The following ZFHX3 variants were observed in gnomAD, a reference collection of about 807,000 sequenced individuals.
ZFHX3 encodes zinc finger homeobox 3.
A neutral mutation model predicts 279.1 loss-of-function variants in ZFHX3; 42 were observed. That is an observed-to-expected ratio of 0.15 (90% confidence interval 0.12 to 0.19). The LOEUF (loss-of-function observed/expected upper bound fraction) is 0.19, where lower values mean the gene tolerates loss of function less well. Among genes scored for constraint, ZFHX3 ranks in the 10% least tolerant of loss-of-function variants. The pLI is 1.00. For synonymous variants in ZFHX3, 2,293 were observed against 1,957.8 expected (o/e 1.17, Z -4.52); for missense variants, 4,981 against 4,754.0 (o/e 1.05, Z -1.40).
chr16:73,156,722 A>AT (rs34204659), intron 5 of ZFHX3, among the ~76,000 whole-genome samples: 73 of 148,218 alleles, frequency 4.9e-4, no homozygotes, highest in Non-Finnish European at 4.8e-4. Flanking sequence ...TGTCTGGCTA[A>AT]TTTTTTTTTT....
chr16:73,775,407 G>A (rs1191436304), intron 1 of ZFHX3, among the ~76,000 whole-genome samples: 2 of 152,068 alleles, frequency 1.3e-5, no homozygotes, highest in Non-Finnish European at 2.9e-5. Flanking sequence ...CCTCAGCTGA[G>A]AAAAGAAATA....
rs2144436651 is a variant in ZFHX3 at position 72,957,826 on chromosome 16, C to T, written c.2320G>A (p.Ala774Thr). 6.2e-7 allele frequency: 1 copy of T among 1,610,378 alleles called. No individual in the cohort carries two copies. Among genetic ancestry groups the T allele is most frequent in the Non-Finnish European group, 8.5e-7 (1 of 1,178,078 alleles). ...QVFSHTAGAA[A>T]AAVAAAAAAA... is the part of the protein sequence containing the mutation. ...GCCGCCGCCGCAGCCACCGCCGCCG[C>T]CGCCGCCCCGGCAGTGTGGCTGAAG... The change falls in exon 2 of 10, where the codon GCG becomes ACG. Residue 774 changes from alanine (A) to threonine (T), a missense_variant. Ala to Thr is a moderately conservative substitution (Grantham distance 58). This residue lies in a region of ZFHX3 where 1,751 missense variants were observed against 1,770.0 expected (regional missense o/e 0.99). Coordinates refer to ENST00000268489, the MANE Select transcript of ZFHX3 (RefSeq NM_006885.4).
intron 4 of ZFHX3, among the ~76,000 whole-genome samples, chr16:72,831,925 G>C (rs551047917): frequency 8.3e-4 from 126 of 152,214 alleles, no homozygotes; most frequent in Non-Finnish European, 1.5e-3. Context: ...TCATCGCCAA[G>C]GTCTGATTTT....
intron 5 of ZFHX3, among the ~76,000 whole-genome samples, chr16:73,214,411 C>A (rs569831783): frequency 6.6e-6 from 1 of 152,026 alleles, no homozygotes; most frequent in Admixed American, 6.6e-5. Context: ...TACGGTGTGG[C>A]CTTCAATACA....
intron 3 of ZFHX3, among the ~76,000 whole-genome samples, chr16:73,441,912 G>A (rs147733641): frequency 2.6e-5 from 4 of 152,296 alleles, no homozygotes; most frequent in East Asian, 3.9e-4. Flanking sequence ...TCCCTGAAAC[G>A]TGTACCGTTT....
intron 1 of ZFHX3, among the ~76,000 whole-genome samples, chr16:73,702,632 T>C (rs957296377): frequency 2.6e-5 from 4 of 152,070 alleles, no homozygotes; most frequent in South Asian, 4.1e-4. Context: ...GTCTGTGGGA[T>C]TGGTGGAGGA....
At chr16:73,438,689 T>C (rs1295924854) in intron 3 of ZFHX3, among the ~76,000 whole-genome samples, 1 of 151,804 alleles carries the variant, frequency 6.6e-6, no homozygotes, top group South Asian at 2.1e-4. Flanking sequence ...TGATAACCCT[T>C]AATTATTATT....
intron 2 of ZFHX3, among the ~76,000 whole-genome samples, chr16:73,479,847 A>G (rs2018832941): frequency 6.6e-6 from 1 of 152,202 alleles, no homozygotes; most frequent in South Asian, 2.1e-4. Flanking sequence ...GATCAGGTCC[A>G]TTATCCTATT....
chr16:73,849,403 G>A (rs551407393), intron 1 of ZFHX3, among the ~76,000 whole-genome samples: 10 of 152,224 alleles, frequency 6.6e-5, no homozygotes, highest in South Asian at 4.1e-4. Flanking sequence ...GGCTCTAATA[G>A]CCAATGTGTT....
chr16:73,163,418 G>C lies in ZFHX3; in HGVS notation c.-1103-19587C>G, dbSNP rs1967286635. On this transcript the variant is annotated intron_variant, in intron 5 of 17. Transcript: ENST00000641206. The stretch of plus-strand genomic sequence containing the variant: ...GGCTCACAGGCCAAATCCAGCCCGT[G>C]ACTTGTTTTTGTAAATAAAGTTTTA... Among the ~76,000 whole-genome samples, 3 of 152,172 alleles carry C rather than the reference G, an allele frequency of 2.0e-5. No individual in the cohort carries two copies. In the South Asian group the frequency reaches 6.2e-4, roughly 32 times the overall value.
intron 3 of ZFHX3, among the ~76,000 whole-genome samples, chr16:72,915,366 T>C (rs966814534): frequency 3.3e-5 from 5 of 152,080 alleles, no homozygotes; most frequent in Non-Finnish European, 7.4e-5. Flanking sequence ...GCAGAACACA[T>C]CAAACAGAAG....
chr16:72,797,730 G>A lies in ZFHX3; in HGVS notation c.4952C>T (p.Thr1651Met), dbSNP rs117283459. Residue 1651 changes from threonine (T) to methionine (M), a missense_variant, in exon 9 of 10, where the codon ACG becomes ATG. This residue lies in a region of ZFHX3 where 1,751 missense variants were observed against 1,770.0 expected (regional missense o/e 0.99). Transcript: ENST00000268489. ...GCCACTGGTGCTCACAGGACTTGGCGTGGAGGAGCTCAAGGAAATACTGCT... is the reference window on the plus strand; with the variant it reads ...GCCACTGGTGCTCACAGGACTTGGCATGGAGGAGCTCAAGGAAATACTGCT... ...NSSSISLSSSTPSPVSTSGSN... is the reference protein window; with the variant it reads ...NSSSISLSSSMPSPVSTSGSN... 1.0e-3 allele frequency: 1,669 copies of A among 1,614,152 alleles called. 2 individuals are homozygous for A. Among genetic ancestry groups the A allele is most frequent in the Non-Finnish European group, 1.3e-3 (1,480 of 1,180,024 alleles).
At chr16:73,373,951 G>T (rs2016677397) in intron 3 of ZFHX3, among the ~76,000 whole-genome samples, 1 of 152,202 alleles carries the variant, frequency 6.6e-6, no homozygotes, top group South Asian at 2.1e-4. Context: ...GAGATTGACA[G>T]GATCTGCAAA....
At chr16:73,082,921 T>G (rs1315218839) in intron 8 of ZFHX3, among the ~76,000 whole-genome samples, 2 of 151,586 alleles carry the variant, frequency 1.3e-5, no homozygotes, top group Non-Finnish European at 2.9e-5. Context: ...CAGTGGCTCA[T>G]GCCTGTAATC....
chr16:73,526,297 C>A (rs1203769435), intron 2 of ZFHX3, among the ~76,000 whole-genome samples: 1 of 152,208 alleles, frequency 6.6e-6, no homozygotes, highest in Admixed American at 6.5e-5. Context: ...GAGTGACAGG[C>A]CCAATGAGGG....
chr16:73,839,572 C>A (rs1349256738), intron 1 of ZFHX3, among the ~76,000 whole-genome samples: 1 of 152,042 alleles, frequency 6.6e-6, no homozygotes, highest in Non-Finnish European at 1.5e-5. Context: ...ATGTGTACAG[C>A]GGAACAGAAT....
At chr16:73,842,833 A>G (rs1338021724) in intron 1 of ZFHX3, among the ~76,000 whole-genome samples, 1 of 150,588 alleles carries the variant, frequency 6.6e-6, no homozygotes, top group African/African-American at 2.4e-5. Context: ...CCCCCTCCCC[A>G]CCCACCGCCA....
intron 1 of ZFHX3, among the ~76,000 whole-genome samples, chr16:73,858,703 C>T (rs557217771): frequency 9.9e-5 from 15 of 152,122 alleles, no homozygotes; most frequent in Non-Finnish European, 1.5e-5. Flanking sequence ...AAAGATAACA[C>T]AAAAGATGTC....
chr16:73,869,983 A>C (rs756403670), intron 1 of ZFHX3, among the ~76,000 whole-genome samples: 1 of 152,220 alleles, frequency 6.6e-6, no homozygotes, highest in Non-Finnish European at 1.5e-5. Context: ...TCTCAGTGTC[A>C]AGCTTCTAAC....
Sources: allele counts gnomAD v4.1 joint callset (sites outside exome capture counted in the v4.1 genomes callset), GRCh38; gene constraint gnomAD v4.1.1; regional missense constraint gnomAD v4.1.1; transcripts MANE v1.5; gene names NCBI Gene and HGNC (gene_info 2026-07-23, HGNC 2026-07-21).